Variants in GRM8 observed in about 807,000 individuals in gnomAD.
GRM8 encodes metabotropic glutamate receptor 8.
A neutral mutation model predicts 87.2 loss-of-function variants in GRM8; 47 were observed. That is an observed-to-expected ratio of 0.54 (90% CI 0.43 to 0.69). GRM8 has a LOEUF of 0.69. Ranked by LOEUF, GRM8 falls within the 30% of genes least tolerant of loss-of-function variation. The pLI is 0.00. For synonymous variants in GRM8, 396 were observed against 404.5 expected (o/e 0.98, Z 0.25); for missense variants, 1,019 against 1,139.2 (o/e 0.89, Z 1.52).
At chr7:126,881,931 G>C (rs1239931579) in intron 6 of GRM8, among the ~76,000 whole-genome samples, 2 of 151,978 alleles carry the variant, frequency 1.3e-5, no homozygotes, top group Non-Finnish European at 2.9e-5. Flanking sequence ...ATAAAAGAAT[G>C]AGTCATAAAA....
chr7:126,440,941 A>G (rs1357091769), intron 10 of GRM8, among the ~76,000 whole-genome samples: 2 of 152,094 alleles, frequency 1.3e-5, no homozygotes, highest in Non-Finnish European at 2.9e-5. Context: ...AAAACTAAAA[A>G]TATAAAAGTG....
intron 3 of GRM8, among the ~76,000 whole-genome samples, chr7:126,995,283 C>T (rs1813068349): frequency 6.6e-6 from 1 of 152,206 alleles, no homozygotes; most frequent in African/African-American, 2.4e-5. Flanking sequence ...ATACCCAACT[C>T]TTTAATGCCC....
chr7:126,898,893 T>A (rs1211841738), intron 6 of GRM8, among the ~76,000 whole-genome samples: 1 of 152,142 alleles, frequency 6.6e-6, no homozygotes, highest in Non-Finnish European at 1.5e-5. Context: ...AAGCCCCGCA[T>A]GCATTAGGTA....
chr7:126,895,292 C>G (rs987588942), intron 6 of GRM8, among the ~76,000 whole-genome samples: 1 of 152,062 alleles, frequency 6.6e-6, no homozygotes, highest in Non-Finnish European at 1.5e-5. Flanking sequence ...TATCAGTAAC[C>G]TTTAGCACAG....
At chr7:127,226,870 G>A (rs1185388800) in intron 2 of GRM8, among the ~76,000 whole-genome samples, 2 of 152,170 alleles carry the variant, frequency 1.3e-5, no homozygotes, top group Non-Finnish European at 2.9e-5. Flanking sequence ...CGGCTTGCAC[G>A]CCTCCTACGG....
At chr7:126,676,937 A>C (rs1261763215) in intron 7 of GRM8, among the ~76,000 whole-genome samples, 1 of 152,206 alleles carries the variant, frequency 6.6e-6, no homozygotes, top group African/African-American at 2.4e-5. Flanking sequence ...AACCCACAAA[A>C]TGCGAGAAAA....
chr7:127,147,612 C>T (rs1188577764), intron 2 of GRM8, among the ~76,000 whole-genome samples: 2 of 152,106 alleles, frequency 1.3e-5, no homozygotes, highest in South Asian at 2.1e-4. Flanking sequence ...TTCTAATATC[C>T]TCTAATCCAC....
At chr7:126,896,476 C>T (rs1267814105) in intron 6 of GRM8, among the ~76,000 whole-genome samples, 1 of 152,054 alleles carries the variant, frequency 6.6e-6, no homozygotes, top group Non-Finnish European at 1.5e-5. Flanking sequence ...GTAAATTCAT[C>T]CCCCTTGATG....
chr7:126,810,743 C>G (rs1188013710), intron 6 of GRM8, among the ~76,000 whole-genome samples: 1 of 152,142 alleles, frequency 6.6e-6, no homozygotes, highest in Non-Finnish European at 1.5e-5. Flanking sequence ...AGTGAAGGAA[C>G]TTTATGTACC....
At chr7:126,814,459 C>G (rs1444932891) in intron 6 of GRM8, among the ~76,000 whole-genome samples, 2 of 152,036 alleles carry the variant, frequency 1.3e-5, no homozygotes, top group African/African-American at 4.8e-5. Flanking sequence ...TGGAAGGCTA[C>G]TCCAACAGAA....
At chr7:126,670,525 C>T (rs1175346460) in intron 7 of GRM8, among the ~76,000 whole-genome samples, 1 of 152,142 alleles carries the variant, frequency 6.6e-6, no homozygotes, top group Non-Finnish European at 1.5e-5. Flanking sequence ...TGTAACTACC[C>T]TGGACATTTT....
At chr7:126,651,826 CTT>C (rs200268038) in intron 7 of GRM8, among the ~76,000 whole-genome samples, 2,477 of 152,282 alleles carry the variant, frequency 0.016, 82 homozygotes, top group African/African-American at 0.056. Context: ...TGCGGCGTCT[CTT>C]AGTATTACCA....
chr7:126,558,741 G>C lies in GRM8; in HGVS notation c.1495-24854C>G, dbSNP rs73224957. ...TTTTTTTTCTGAATATTTTCAACCT[G>C]TGGTTGACTGAATCCACAGATGTGG... On this transcript the variant is annotated intron_variant, in intron 8 of 10. Transcript: ENST00000339582. Among the ~76,000 whole-genome samples the C allele has an allele frequency of 6.1e-3, 924 of 152,158 alleles. 8 individuals carry two copies. The highest frequency in any genetic ancestry group is 9.7e-3 in the Non-Finnish European group (658 of 68,010).
rs958414181 is a variant in GRM8, at chr7:126,770,764, G to T, written c.1157-699C>A. ...GGTGTTTATAATTTAATATGGAAAA[G>T]AAATATATTTTAAATGAAATATAAA... On this transcript the variant is annotated intron_variant, in intron 6 of 10. Transcript: ENST00000339582. Among the ~76,000 whole-genome samples the T allele has an allele frequency of 4.6e-5, 7 of 151,982 alleles. No homozygotes were observed. In the South Asian group the frequency reaches 6.2e-4, roughly 14 times the overall value.
intron 7 of GRM8, among the ~76,000 whole-genome samples, chr7:126,668,184 T>G (rs1351748657): frequency 6.6e-6 from 1 of 152,144 alleles, no homozygotes; most frequent in East Asian, 1.9e-4. Context: ...TGAGAGTCCC[T>G]GTTTACCCCC....
rs377654541 is a variant in GRM8 at position 126,533,195 on chromosome 7, C to T, written c.2187G>A (p.Arg729=). 3.7e-6 allele frequency: 6 copies of T among 1,612,522 alleles called. No homozygotes were observed. In the African/African-American group the frequency reaches 8.0e-5, roughly 22 times the overall value. Residue 729 remains arginine, a synonymous_variant, in exon 9 of 11, where the codon CGG becomes CGA. Coordinates refer to ENST00000339582, the MANE Select transcript of GRM8 (RefSeq NM_000845.3). Reference sequence around the variant, plus strand: ...CCCTGGCCTTCTCTGGATCTAGTGTCCGCTGCTCTCCATAGTCAATGATGA... The same window carrying T: ...CCCTGGCCTTCTCTGGATCTAGTGTTCGCTGCTCTCCATAGTCAATGATGA... ...PHIIIDYGEQ[R]TLDPEKARGV...
At chr7:126,464,985 G>A (rs577010868) in intron 9 of GRM8, among the ~76,000 whole-genome samples, 23 of 151,592 alleles carry the variant, frequency 1.5e-4, no homozygotes, top group African/African-American at 5.3e-4. Context: ...TAATAATACC[G>A]GTAAGTTTTG....
At chr7:126,926,825 T>A (rs1360886468) in intron 3 of GRM8, among the ~76,000 whole-genome samples, 1 of 152,228 alleles carries the variant, frequency 6.6e-6, no homozygotes, top group Non-Finnish European at 1.5e-5. Context: ...ACTTCTTGTC[T>A]TCCCAGCATT....
intron 2 of GRM8, among the ~76,000 whole-genome samples, chr7:127,219,291 T>C (rs570072285): frequency 6.6e-6 from 1 of 152,318 alleles, no homozygotes; most frequent in East Asian, 1.9e-4. Context: ...AATACAGCAA[T>C]AGTTACCTCA....
Sources: gnomAD v4.1 joint callset for allele counts (sites outside exome capture counted in the v4.1 genomes callset) on GRCh38, gnomAD v4.1.1 for gene constraint, MANE v1.5 for transcripts, NCBI Gene and HGNC (gene_info 2026-07-23, HGNC 2026-07-21) for gene names.